VEGFC: variants seen among roughly 807,000 people sequenced by gnomAD.
VEGFC encodes the protein vascular endothelial growth factor C.
A neutral mutation model predicts 46.1 loss-of-function variants in VEGFC; 12 were observed. The ratio of observed to expected loss-of-function variants is 0.26; its 90% CI spans 0.17 to 0.42. The LOEUF is 0.42. Among genes scored for constraint, VEGFC ranks in the 10% least tolerant of loss-of-function variants. The pLI is 1.00. For synonymous variants in VEGFC, 232 were observed against 195.5 expected (o/e 1.19, Z -1.56); for missense variants, 488 against 529.4 (o/e 0.92, Z 0.77).
intron 1 of VEGFC, among the ~76,000 whole-genome samples, chr4:176,749,354 T>C (rs1735305342): frequency 6.6e-6 from 1 of 151,974 alleles, no homozygotes; most frequent in Non-Finnish European, 1.5e-5. Flanking sequence ...AAAAAATCAA[T>C]TTGAGATTAT....
chr4:176,687,082 G>T, intron 6 of VEGFC, 105 bp downstream of exon 6: 2 of 1,182,292 alleles, frequency 1.7e-6, no homozygotes, highest in Non-Finnish European at 2.4e-6. Flanking sequence ...AGAATGTATT[G>T]GCCTCATTCT....
chr4:176,749,650 T>C (rs1735309450), intron 1 of VEGFC, among the ~76,000 whole-genome samples: 1 of 151,786 alleles, frequency 6.6e-6, no homozygotes, highest in Admixed American at 6.6e-5. Context: ...ATTTATAGAA[T>C]ATAAAATTTT....
intron 1 of VEGFC, among the ~76,000 whole-genome samples, chr4:176,765,291 AAT>A (rs1352820180): frequency 1.3e-5 from 2 of 152,088 alleles, no homozygotes; most frequent in African/African-American, 4.8e-5. Flanking sequence ...AAAAAAGCAT[AAT>A]AGACATAGAT....
chr4:176,699,775 A>G (rs1347007287), intron 4 of VEGFC, among the ~76,000 whole-genome samples: 4 of 152,248 alleles, frequency 2.6e-5, no homozygotes, highest in African/African-American at 9.6e-5. Flanking sequence ...TTATTAAGTA[A>G]CTTCTTCAGT....
chr4:176,750,131 T>A (rs944893504), intron 1 of VEGFC, among the ~76,000 whole-genome samples: 2 of 151,724 alleles, frequency 1.3e-5, no homozygotes, highest in African/African-American at 2.4e-5. Flanking sequence ...TGAACATTTT[T>A]AAATTAATCC....
intron 1 of VEGFC, among the ~76,000 whole-genome samples, 169 bp downstream of exon 1, chr4:176,791,996 T>G (rs1429937990): frequency 1.3e-5 from 2 of 152,052 alleles, no homozygotes; most frequent in Non-Finnish European, 2.9e-5. Context: ...ACTTTCTATT[T>G]AAAAAGAAGA....
At chr4:176,742,829 T>A (rs1735198532) in intron 1 of VEGFC, among the ~76,000 whole-genome samples, 1 of 152,048 alleles carries the variant, frequency 6.6e-6, no homozygotes, top group African/African-American at 2.4e-5. Context: ...GTCTTGTTTA[T>A]GATGATGTGA....
At chr4:176,777,918 CAAAAAAAAAAAAAAA>C (rs773634012) in intron 1 of VEGFC, among the ~76,000 whole-genome samples, 6 of 57,170 alleles carry the variant, frequency 1.0e-4, no homozygotes, top group Admixed American at 6.5e-4. Flanking sequence ...GACTTTGTCT[CAAAAAAAAAAAAAAA>C]AAAAAAAAAA....
intron 1 of VEGFC, among the ~76,000 whole-genome samples, chr4:176,750,153 A>G (rs1735318591): frequency 6.6e-6 from 1 of 151,746 alleles, no homozygotes. Context: ...TACAGGAGTC[A>G]TAACACTGGG....
chr4:176,716,813 T>G (rs936502200), intron 3 of VEGFC, among the ~76,000 whole-genome samples: 1 of 152,116 alleles, frequency 6.6e-6, no homozygotes, highest in East Asian at 1.9e-4. Context: ...AGTTTAGATC[T>G]ATCCAAACAT....
intron 1 of VEGFC, among the ~76,000 whole-genome samples, chr4:176,746,755 A>G (rs1189212227): frequency 1.3e-5 from 2 of 152,112 alleles, no homozygotes; most frequent in African/African-American, 4.8e-5. Context: ...GCCATATTAA[A>G]TTCACAATAG....
rs530786951 is a variant in VEGFC at position 176,759,611 on chromosome 4, AT to A, written c.148-29866del. ...ATTTCAAACATTCTCATCACAAAAA[AT>A]GATAAGTATGTGAGATGATAATGTG... On this transcript the variant is annotated intron_variant, in intron 1 of 6. Transcript: ENST00000618562. Among the ~76,000 whole-genome samples, 482 of 152,306 alleles carry A rather than the reference AT, an allele frequency of 3.2e-3. 3 individuals carry two copies. Among genetic ancestry groups the A allele is most frequent in the African/African-American group, 0.011 (466 of 41,586 alleles).
At chr4:176,720,660 TG>T (rs1734770794) in intron 3 of VEGFC, among the ~76,000 whole-genome samples, 1 of 151,558 alleles carries the variant, frequency 6.6e-6, no homozygotes, top group Non-Finnish European at 1.5e-5. Flanking sequence ...GCTAACATGG[TG>T]AAACCCCATC....
At chr4:176,787,926 G>A (rs752686654) in intron 1 of VEGFC, among the ~76,000 whole-genome samples, 9 of 152,100 alleles carry the variant, frequency 5.9e-5, no homozygotes, top group Non-Finnish European at 1.3e-4. Flanking sequence ...ATACAAATCT[G>A]TACATACAAA....
intron 1 of VEGFC, among the ~76,000 whole-genome samples, chr4:176,774,680 C>T (rs4488887): frequency 0.83 from 125,709 of 152,132 alleles, 53,516 homozygotes; most frequent in East Asian, 1. Flanking sequence ...ATGGTCCAGA[C>T]TGTCTTGAAG....
At chr4:176,757,469 TAAC>T (rs1735452324) in intron 1 of VEGFC, among the ~76,000 whole-genome samples, 1 of 152,044 alleles carries the variant, frequency 6.6e-6, no homozygotes, top group South Asian at 2.1e-4. Flanking sequence ...TTTGATCTGT[TAAC>T]AACGATTTCA....
At chr4:176,732,924 T>C (rs182372149) in intron 1 of VEGFC, among the ~76,000 whole-genome samples, 318 of 152,062 alleles carry the variant, frequency 2.1e-3, no homozygotes, top group Non-Finnish European at 3.9e-3. Flanking sequence ...GGTAAAGACT[T>C]GTATCTGAAA....
At chr4:176,738,466 T>A (rs1323387218) in intron 1 of VEGFC, among the ~76,000 whole-genome samples, 1 of 152,006 alleles carries the variant, frequency 6.6e-6, no homozygotes, top group African/African-American at 2.4e-5. Context: ...ACTCCCTATT[T>A]AATAAATGGT....
intron 1 of VEGFC, among the ~76,000 whole-genome samples, chr4:176,772,381 T>A (rs991806150): frequency 5.3e-5 from 8 of 152,216 alleles, no homozygotes; most frequent in Non-Finnish European, 7.3e-5. Context: ...GGAATTTTAA[T>A]CTTTTGGACA....
Sources: gnomAD v4.1 joint callset for allele counts (sites outside exome capture counted in the v4.1 genomes callset) on GRCh38, gnomAD v4.1.1 for gene constraint, MANE v1.5 for transcripts, NCBI Gene and HGNC (gene_info 2026-07-23, HGNC 2026-07-21) for gene names.